ARHGAP24: variants seen among roughly 807,000 people sequenced by gnomAD.
The protein encoded by ARHGAP24 is rho GTPase-activating protein 24.
Under a neutral mutation model 76.4 loss-of-function variants are expected in ARHGAP24, and 50 were observed. That is an observed-to-expected ratio of 0.65 (90% CI 0.52 to 0.83). The LOEUF (loss-of-function observed/expected upper bound fraction) is 0.83. Among genes scored for constraint, ARHGAP24 ranks in the 40% least tolerant of loss-of-function variants. The pLI, the probability that ARHGAP24 is intolerant of heterozygous loss-of-function variation, is 0.00. For synonymous variants in ARHGAP24, 345 were observed against 323.3 expected, an observed-to-expected ratio of 1.07 and a Z score of -0.72; for missense variants, 930 against 914.2, an observed-to-expected ratio of 1.02 and a Z score of -0.22.
chr4:85,633,956 C>T (rs1204615580), intron 2 of ARHGAP24, among the ~76,000 whole-genome samples: 2 of 151,780 alleles, frequency 1.3e-5, no homozygotes, highest in Admixed American at 6.6e-5. Flanking sequence ...GTGTCCACAG[C>T]CACATTCTGC....
Position 85,994,908 on chromosome 4 carries a change from C to A in ARHGAP24, c.1254C>A (p.Leu418=), listed in dbSNP as rs572453253. The change falls in exon 9 of 10, where the codon CTC becomes CTA. Residue 418 remains leucine, a synonymous_variant. Coordinates refer to ENST00000395184, the MANE Select transcript of ARHGAP24 (RefSeq NM_001025616.3). ...HKLDVSRSPP[L]MVKKNPAFNK... The stretch of plus-strand genomic sequence containing the variant: ...TAGATGTGTCTAGAAGCCCCCCTCT[C>A]ATGGTCAAAAAGAACCCAGCCTTTA... 8.8e-5 allele frequency: 142 copies of A among 1,614,084 alleles called. 3 individuals carry two copies. The South Asian group carries it at 1.5e-3, about 17-fold the overall frequency.
At chr4:85,545,769 A>G (rs1725899708) in intron 1 of ARHGAP24, among the ~76,000 whole-genome samples, 2 of 152,352 alleles carry the variant, frequency 1.3e-5, no homozygotes, top group South Asian at 4.1e-4. Context: ...GGCTATGCAT[A>G]TACAACATGT....
At chr4:85,753,323 T>C (rs1726336261) in intron 3 of ARHGAP24, among the ~76,000 whole-genome samples, 1 of 152,194 alleles carries the variant, frequency 6.6e-6, no homozygotes, top group South Asian at 2.1e-4. Flanking sequence ...CCATTAGAAA[T>C]GTTACTCCTT....
chr4:85,500,313 G>C (rs767730883), intron 1 of ARHGAP24, among the ~76,000 whole-genome samples: 2 of 152,176 alleles, frequency 1.3e-5, no homozygotes, highest in Non-Finnish European at 2.9e-5. Context: ...AAACTGAGAA[G>C]TCTGGTGTTC....
At chr4:85,815,589 C>T (rs751957587) in intron 3 of ARHGAP24, among the ~76,000 whole-genome samples, 74 of 152,240 alleles carry the variant, frequency 4.9e-4, no homozygotes, top group Non-Finnish European at 1.8e-4. Flanking sequence ...TCTGAGACCA[C>T]CTCAGCCTGG....
chr4:85,945,007 T>C (rs35832919), intron 5 of ARHGAP24, among the ~76,000 whole-genome samples: 42,589 of 151,802 alleles, frequency 0.28, 6,573 homozygotes, highest in African/African-American at 0.41. Context: ...CCAACATGCC[T>C]GGCTAATTTC....
intron 1 of ARHGAP24, among the ~76,000 whole-genome samples, chr4:85,517,911 A>T (rs1210276032): frequency 2.6e-5 from 4 of 152,128 alleles, no homozygotes; most frequent in Non-Finnish European, 5.9e-5. Context: ...TAGTGATCTA[A>T]TGTAGGTTTG....
chr4:85,744,771 C>G (rs1366484654), intron 3 of ARHGAP24, among the ~76,000 whole-genome samples: 1 of 152,192 alleles, frequency 6.6e-6, no homozygotes, highest in Non-Finnish European at 1.5e-5. Flanking sequence ...GATATTTTTT[C>G]ATTATGTATT....
intron 1 of ARHGAP24, among the ~76,000 whole-genome samples, chr4:85,564,366 G>T (rs949436075): frequency 6.6e-6 from 1 of 150,488 alleles, no homozygotes; most frequent in Non-Finnish European, 1.5e-5. Context: ...ACACAGGAAG[G>T]GGAACATCAC....
chr4:85,475,597 C>T (rs1322090268), intron 1 of ARHGAP24, 38 bp downstream of exon 1: 1 of 149,872 alleles, frequency 6.7e-6, no homozygotes, highest in Non-Finnish European at 1.5e-5. Context: ...GCGGAGCTAC[C>T]GCGGGAAGGA....
At chr4:85,883,431 C>T (rs1031213965) in intron 3 of ARHGAP24, among the ~76,000 whole-genome samples, 2 of 152,112 alleles carry the variant, frequency 1.3e-5, no homozygotes, top group Non-Finnish European at 2.9e-5. Context: ...TGAAAATGCA[C>T]TATGATAAGA....
chr4:85,686,802 A>G (rs1723438240), intron 2 of ARHGAP24: 1 of 151,824 alleles, frequency 6.6e-6, no homozygotes, highest in African/African-American at 2.4e-5. Context: ...CTTTTAAAAA[A>G]TCATAAGATC....
chr4:85,844,251 A>G (rs770253959), intron 3 of ARHGAP24, among the ~76,000 whole-genome samples: 8 of 152,206 alleles, frequency 5.3e-5, no homozygotes, highest in Non-Finnish European at 1.0e-4. Flanking sequence ...ACCAGAGATT[A>G]AAGAGATATA....
At chr4:85,636,064 C>T (rs1359149584) in intron 2 of ARHGAP24, among the ~76,000 whole-genome samples, 6 of 151,804 alleles carry the variant, frequency 4.0e-5, no homozygotes, top group East Asian at 1.9e-4. Flanking sequence ...TTTCCCTACA[C>T]GTTTCCTTTA....
chr4:85,501,691 A>G (rs11097058), intron 1 of ARHGAP24, among the ~76,000 whole-genome samples: 39,864 of 151,962 alleles, frequency 0.26, 5,422 homozygotes, highest in African/African-American at 0.34. Context: ...CTCTGATGGT[A>G]GTTTCTTTTG....
chr4:85,712,529 A>G (rs1724566410), intron 2 of ARHGAP24, among the ~76,000 whole-genome samples: 1 of 152,140 alleles, frequency 6.6e-6, no homozygotes, highest in Admixed American at 6.5e-5. Flanking sequence ...GATAAGTCTG[A>G]AGTCATGGTG....
At chr4:85,802,238 T>C (rs1372071404) in intron 3 of ARHGAP24, among the ~76,000 whole-genome samples, 2 of 152,108 alleles carry the variant, frequency 1.3e-5, no homozygotes, top group Admixed American at 1.3e-4. Context: ...CGTATCCAAC[T>C]CCAAAGTTTA....
chr4:85,949,623 A>G (rs1737485682), intron 5 of ARHGAP24, among the ~76,000 whole-genome samples: 1 of 152,184 alleles, frequency 6.6e-6, no homozygotes, highest in Admixed American at 6.5e-5. Flanking sequence ...GAAAGACAGT[A>G]AGGGTGGAAG....
intron 3 of ARHGAP24, among the ~76,000 whole-genome samples, chr4:85,847,156 A>G (rs750769177): frequency 5.9e-5 from 9 of 152,190 alleles, no homozygotes; most frequent in Non-Finnish European, 1.3e-4. Flanking sequence ...TCTAGATTCT[A>G]CCATTGACTT....
Sources: gnomAD v4.1 joint callset for allele counts (sites outside exome capture counted in the v4.1 genomes callset) on GRCh38, gnomAD v4.1.1 for gene constraint, MANE v1.5 for transcripts, NCBI Gene and HGNC (gene_info 2026-07-23, HGNC 2026-07-21) for gene names.